Variants in GALNT17 observed in about 807,000 individuals in gnomAD.
GALNT17 encodes the protein UDP-GalNAc:polypeptide N-acetylgalactosaminyltransferase-like 3.
A neutral mutation model predicts 63.7 loss-of-function variants in GALNT17; 29 were observed. The ratio of observed to expected loss-of-function variants is 0.46; its 90% CI spans 0.34 to 0.62. The LOEUF (loss-of-function observed/expected upper bound fraction) is 0.62. Ranked by LOEUF, GALNT17 falls within the 20% of genes least tolerant of loss-of-function variation. The pLI is 0.01. For synonymous variants in GALNT17, 305 were observed against 318.3 expected (o/e 0.96, Z 0.45); for missense variants, 603 against 799.6 (o/e 0.75, Z 2.97).
intron 5 of GALNT17, among the ~76,000 whole-genome samples, chr7:71,519,523 G>A (rs983290334): frequency 6.6e-6 from 1 of 152,126 alleles, no homozygotes; most frequent in Non-Finnish European, 1.5e-5. Flanking sequence ...GAGTGCAGTG[G>A]CATGATCTCA....
intron 5 of GALNT17, among the ~76,000 whole-genome samples, chr7:71,480,655 T>A (rs781203690): frequency 3.3e-5 from 5 of 152,138 alleles, no homozygotes; most frequent in Non-Finnish European, 5.9e-5. Flanking sequence ...TACAGGCATG[T>A]ACCACCACAC....
chr7:71,415,901 TC>T lies in GALNT17; in HGVS notation c.607del (p.Leu203Ter). ...TTGTCATTTGCAGAGGAGCTGAAGG[TC>T]CCCCTAGAGGAGTATGTCCACAAAC... The part of the protein sequence containing the change: ...DDNSDEEELK[V>X]PLEEYVHKRY... On this transcript the variant is annotated frameshift_variant, in exon 4 of 11. Transcript: ENST00000333538. LOFTEE classifies it high-confidence loss of function. The T allele has an allele frequency of 6.3e-7, 1 of 1,585,210 alleles. No individual in the cohort carries two copies. Among genetic ancestry groups the T allele is most frequent in the Non-Finnish European group, 8.6e-7 (1 of 1,166,260 alleles).
Position 71,709,917 on chromosome 7 carries a change from G to A in GALNT17, c.1501-844G>A, listed in dbSNP as rs546104206. Among the ~76,000 whole-genome samples the A allele has an allele frequency of 7.2e-5, 11 of 152,224 alleles. No individual in the cohort carries two copies. The East Asian group carries it at 7.7e-4, about 11-fold the overall frequency. On this transcript the variant is annotated intron_variant, in intron 9 of 10. Coordinates refer to ENST00000333538, the MANE Select transcript of GALNT17 (RefSeq NM_022479.3). ...CCTGGCCTAATCTCTTTTGTAAAAT[G>A]TGGTATCTTATTATTTTAGATTTTT...
At chr7:71,134,435 C>T (rs1252583085) in intron 1 of GALNT17, among the ~76,000 whole-genome samples, 1 of 152,190 alleles carries the variant, frequency 6.6e-6, no homozygotes, top group Non-Finnish European at 1.5e-5. Context: ...TTTTCAGGCT[C>T]ACCAAAGGTC....
intron 5 of GALNT17, among the ~76,000 whole-genome samples, chr7:71,561,263 C>T (rs1014364809): frequency 2.0e-5 from 3 of 152,146 alleles, no homozygotes; most frequent in East Asian, 1.9e-4. Context: ...CCGCCCACCT[C>T]GGCCTCCCAA....
At chr7:71,444,023 G>A (rs1480987434) in intron 5 of GALNT17, among the ~76,000 whole-genome samples, 3 of 152,112 alleles carry the variant, frequency 2.0e-5, no homozygotes, top group South Asian at 2.1e-4. Flanking sequence ...CACCCCGCTC[G>A]GCCTGAATTG....
Position 71,420,932 on chromosome 7 carries a change from C to T in GALNT17, c.789C>T (p.Ile263=). 6.2e-7 allele frequency: 1 copy of T among 1,614,132 alleles called. No individual in the cohort carries two copies. Among genetic ancestry groups the T allele is most frequent in the Non-Finnish European group, 8.5e-7 (1 of 1,180,028 alleles). The stretch of plus-strand genomic sequence containing the variant: ...GGGCTGAGCCGGTTCTATCCCGCAT[C>T]CAGGAAAACCGGAAGCGTGTGATCC... ...AGWAEPVLSR[I]QENRKRVILP... Residue 263 remains isoleucine, a synonymous_variant, in exon 5 of 11, where the codon ATC becomes ATT. Coordinates refer to ENST00000333538, the MANE Select transcript of GALNT17 (RefSeq NM_022479.3).
chr7:71,327,490 CAT>C (rs1170444170), intron 1 of GALNT17, among the ~76,000 whole-genome samples: 3 of 152,094 alleles, frequency 2.0e-5, no homozygotes, highest in East Asian at 1.9e-4. Flanking sequence ...CCTCCCACAA[CAT>C]GTGGGAATTA....
At chr7:71,352,130 C>T (rs1434643312) in intron 2 of GALNT17, among the ~76,000 whole-genome samples, 1 of 152,080 alleles carries the variant, frequency 6.6e-6, no homozygotes, top group South Asian at 2.1e-4. Flanking sequence ...CAGTTTCCCC[C>T]ATACTGTTCT....
intron 5 of GALNT17, among the ~76,000 whole-genome samples, chr7:71,479,624 A>G (rs1323992683): frequency 1.3e-5 from 2 of 152,204 alleles, no homozygotes; most frequent in Admixed American, 6.5e-5. Context: ...ATTTGCATAT[A>G]GAAAGATGTT....
In GALNT17 at chr7:71,694,263, G is replaced by A. The variant is rs1229605485; in HGVS notation, c.1501-16498G>A. 2.0e-5 allele frequency among the ~76,000 whole-genome samples: 3 copies of A among 152,028 alleles called. No homozygotes were observed. The East Asian group carries it at 5.8e-4, about 29-fold the overall frequency. ...GTCCCTCCCACAAAACATTAGAATTGTGGGAGCTACAATTCCAGATGAGAT... is the reference window on the plus strand; with the variant it reads ...GTCCCTCCCACAAAACATTAGAATTATGGGAGCTACAATTCCAGATGAGAT... On this transcript the variant is annotated intron_variant, in intron 9 of 10. Coordinates refer to ENST00000333538, the MANE Select transcript of GALNT17 (RefSeq NM_022479.3).
chr7:71,703,582 G>A (rs1314354488), intron 9 of GALNT17, among the ~76,000 whole-genome samples: 2 of 152,172 alleles, frequency 1.3e-5, no homozygotes, highest in African/African-American at 2.4e-5. Context: ...ATTTGGAGGA[G>A]ACAAACACTC....
chr7:71,413,069 T>C (rs1434655021), intron 3 of GALNT17, among the ~76,000 whole-genome samples: 1 of 152,118 alleles, frequency 6.6e-6, no homozygotes, highest in African/African-American at 2.4e-5. Flanking sequence ...AAAAATAAAA[T>C]AAATCAATGG....
chr7:71,711,506 T>C (rs1791791112), intron 10 of GALNT17, among the ~76,000 whole-genome samples: 1 of 151,158 alleles, frequency 6.6e-6, no homozygotes, highest in East Asian at 2.0e-4. Flanking sequence ...CCTATTGCAC[T>C]CTCTCTCTCT....
rs111719613 is a variant in GALNT17 at position 71,681,988 on chromosome 7, G to A, written c.1500+4682G>A. Among the ~76,000 whole-genome samples, 5 of 152,150 alleles carry A rather than the reference G, an allele frequency of 3.3e-5. No individual in the cohort carries two copies. The East Asian group carries it at 7.7e-4, about 24-fold the overall frequency. On this transcript the variant is annotated intron_variant, in intron 9 of 10. Coordinates refer to ENST00000333538, the MANE Select transcript of GALNT17 (RefSeq NM_022479.3). Reference sequence around the variant, plus strand: ...GTCACCCAGGCTGGAGTGCAATGGCGCGATCTCGGGTCACTGCAACCTCCG... The same window carrying A: ...GTCACCCAGGCTGGAGTGCAATGGCACGATCTCGGGTCACTGCAACCTCCG...
intron 6 of GALNT17, among the ~76,000 whole-genome samples, chr7:71,624,882 T>C (rs968168338): frequency 6.6e-6 from 1 of 152,194 alleles, no homozygotes; most frequent in Non-Finnish European, 1.5e-5. Flanking sequence ...TGGATGCTTG[T>C]TTCTGCTTCA....
chr7:71,552,579 T>G (rs1248880048), intron 5 of GALNT17, among the ~76,000 whole-genome samples: 2 of 151,734 alleles, frequency 1.3e-5, no homozygotes, highest in Non-Finnish European at 2.9e-5. Context: ...TAGCTAGGAC[T>G]ACAGGCCCGT....
chr7:71,157,182 T>C (rs1788251676), intron 1 of GALNT17, among the ~76,000 whole-genome samples: 1 of 151,898 alleles, frequency 6.6e-6, no homozygotes, highest in Non-Finnish European at 1.5e-5. Context: ...CTTTAAAGTC[T>C]TCATATCTGT....
At chr7:71,208,090 C>A (rs1036380903) in intron 1 of GALNT17, among the ~76,000 whole-genome samples, 3 of 152,058 alleles carry the variant, frequency 2.0e-5, no homozygotes, top group African/African-American at 7.2e-5. Context: ...CATGCCACAA[C>A]CATGACTGGC....
Sources: allele counts gnomAD v4.1 joint callset (sites outside exome capture counted in the v4.1 genomes callset), GRCh38; gene constraint gnomAD v4.1.1; transcripts MANE v1.5; gene names NCBI Gene and HGNC (gene_info 2026-07-23, HGNC 2026-07-21).